Variants in DACH1 observed in about 807,000 individuals in gnomAD.
DACH1 encodes the protein dachshund homolog 1.
A neutral mutation model predicts 54.2 loss-of-function variants in DACH1; 12 were observed. That is an observed-to-expected ratio of 0.22 (90% CI 0.14 to 0.36). DACH1 has a LOEUF of 0.36. Ranked by LOEUF, DACH1 falls within the 10% of genes least tolerant of loss-of-function variation. The pLI, the probability that DACH1 is intolerant of heterozygous loss-of-function variation, is 1.00. For synonymous variants in DACH1, 386 were observed against 366.2 expected (o/e 1.05, Z -0.62); for missense variants, 805 against 929.8 (o/e 0.87, Z 1.75).
chr13:71,838,832 G>A (rs1888904554), intron 1 of DACH1, among the ~76,000 whole-genome samples: 1 of 152,184 alleles, frequency 6.6e-6, no homozygotes, highest in Non-Finnish European at 1.5e-5. Flanking sequence ...TCAATCTGCG[G>A]CTGCATTCCG....
At chr13:71,441,777 C>A (rs1874027467) in intron 10 of DACH1, among the ~76,000 whole-genome samples, 1 of 152,014 alleles carries the variant, frequency 6.6e-6, no homozygotes, top group Non-Finnish European at 1.5e-5. Context: ...TAGTAAGTTG[C>A]AAGGAACTTA....
intron 6 of DACH1, among the ~76,000 whole-genome samples, chr13:71,492,742 AGTGT>A (rs112271287): frequency 4.3e-4 from 60 of 139,812 alleles, no homozygotes; most frequent in African/African-American, 1.0e-3. Flanking sequence ...TGTGTGTGTG[AGTGT>A]GTGTGTGTGT....
At chr13:71,467,356 G>C (rs1033591203) in intron 10 of DACH1, among the ~76,000 whole-genome samples, 65 of 117,186 alleles carry the variant, frequency 5.5e-4, no homozygotes, top group South Asian at 1.4e-3. Flanking sequence ...TTGTGGGGTG[G>C]GGGGAGGGGG....
rs1873691617 is a variant in DACH1, at chr13:71,438,278, T to C, written c.*2377A>G. 2 of 152,318 alleles carry C rather than the reference T, an allele frequency of 1.3e-5. No individual in the cohort carries two copies. The highest frequency in any genetic ancestry group is 4.8e-5 in the African/African-American group (2 of 41,414). The allele number at this position is 152,318 out of a possible 1,614,324, so 9.4% of individuals were successfully genotyped here. Reference sequence around the variant, plus strand: ...GCATAGAGCGCAAATGTGGTTATAATATAGAACAACTAGACATTAATATTT... The same window carrying C: ...GCATAGAGCGCAAATGTGGTTATAACATAGAACAACTAGACATTAATATTT... On this transcript the variant is annotated 3_prime_UTR_variant, in exon 11 of 11. Transcript: ENST00000613252.
chr13:71,782,730 T>C (rs935479653), intron 1 of DACH1, among the ~76,000 whole-genome samples: 4 of 152,148 alleles, frequency 2.6e-5, no homozygotes, highest in African/African-American at 7.2e-5. Flanking sequence ...TTCATTTTCA[T>C]ACCTAACAAT....
intron 1 of DACH1, among the ~76,000 whole-genome samples, chr13:71,854,294 C>G (rs1308369889): frequency 6.6e-6 from 1 of 151,210 alleles, no homozygotes; most frequent in East Asian, 1.9e-4. Context: ...CTATTTCATG[C>G]ACAATTTCAC....
Position 71,671,926 on chromosome 13 carries a change from T to C in DACH1, c.964+9869A>G, listed in dbSNP as rs967959515. On this transcript the variant is annotated intron_variant, in intron 2 of 10. Coordinates refer to ENST00000613252, the MANE Select transcript of DACH1 (RefSeq NM_080759.6). Reference sequence around the variant, plus strand: ...TCTATCAGATTTCTGTCCTCAGAAGTGCACAATATGATTCTATTGTATCAT... The same window carrying C: ...TCTATCAGATTTCTGTCCTCAGAAGCGCACAATATGATTCTATTGTATCAT... 6.6e-5 allele frequency among the ~76,000 whole-genome samples: 10 copies of C among 152,240 alleles called. No individual in the cohort carries two copies. In the South Asian group the frequency reaches 8.3e-4, roughly 13 times the overall value.
chr13:71,482,067 T>G (rs1357522465), intron 7 of DACH1, among the ~76,000 whole-genome samples: 1 of 152,234 alleles, frequency 6.6e-6, no homozygotes, highest in East Asian at 1.9e-4. Flanking sequence ...ACAAGTCTAA[T>G]GAAATACATT....
At chr13:71,714,763 A>G (rs1882892064) in intron 1 of DACH1, among the ~76,000 whole-genome samples, 1 of 152,132 alleles carries the variant, frequency 6.6e-6, no homozygotes, top group African/African-American at 2.4e-5. Context: ...ATCAATGTTT[A>G]GAATATTTAG....
At chr13:71,798,323 C>CATATATATAT (rs35310464) in intron 1 of DACH1, among the ~76,000 whole-genome samples, 36 of 96,494 alleles carry the variant, frequency 3.7e-4, no homozygotes, top group African/African-American at 4.8e-4. Context: ...TTGTTACATA[C>CATATATATAT]ATATATATAT....
At chr13:71,687,356 T>A (rs1010111935) in intron 1 of DACH1, among the ~76,000 whole-genome samples, 1 of 152,034 alleles carries the variant, frequency 6.6e-6, no homozygotes. Context: ...AAGTTTATGG[T>A]AACATACAGG....
At chr13:71,674,798 A>G (rs977667356) in intron 2 of DACH1, among the ~76,000 whole-genome samples, 17 of 79,122 alleles carry the variant, frequency 2.1e-4, no homozygotes, top group African/African-American at 8.5e-4. Flanking sequence ...GAAAAAAAAA[A>G]GAAGACATAC....
chr13:71,555,393 C>T (rs1463740394), intron 6 of DACH1, among the ~76,000 whole-genome samples: 2 of 151,828 alleles, frequency 1.3e-5, no homozygotes, highest in Admixed American at 1.3e-4. Flanking sequence ...ACCCGGGCTG[C>T]AGTGCAGTGG....
intron 1 of DACH1, among the ~76,000 whole-genome samples, chr13:71,862,054 G>C (rs1032750383): frequency 1.3e-5 from 2 of 151,710 alleles, no homozygotes; most frequent in African/African-American, 2.4e-5. Context: ...AAAGAATTCT[G>C]TTTGTGAATA....
In DACH1 at chr13:71,440,612, C is replaced by A. The variant is rs755515775; in HGVS notation, c.*43G>T. The stretch of plus-strand genomic sequence containing the variant: ...CTTTCCCATGACGAATGTCTGACTG[C>A]AAAGTTCTTTTCTATAACATGGATT... On this transcript the variant is annotated 3_prime_UTR_variant, in exon 11 of 11. Transcript: ENST00000613252. 10 of 1,528,700 alleles carry A rather than the reference C, an allele frequency of 6.5e-6. No individual in the cohort carries two copies. The highest frequency in any genetic ancestry group is 8.0e-6 in the Non-Finnish European group (9 of 1,123,336). 94.7% of individuals were successfully genotyped at this position (1,528,700 alleles called of 1,614,324 possible). A position where few individuals can be genotyped will look rare whatever the true frequency, so the allele number is the denominator to read the frequency against.
intron 7 of DACH1, among the ~76,000 whole-genome samples, chr13:71,488,431 T>G (rs760376577): frequency 7.2e-5 from 11 of 152,188 alleles, no homozygotes; most frequent in Non-Finnish European, 1.3e-4. Context: ...ACATAAAATA[T>G]ACATCCTGAG....
chr13:71,856,848 T>C (rs1441355726), intron 1 of DACH1, among the ~76,000 whole-genome samples: 1 of 151,950 alleles, frequency 6.6e-6, no homozygotes, highest in African/African-American at 2.4e-5. Flanking sequence ...CAAGAAGTGG[T>C]AATACACATC....
intron 1 of DACH1, among the ~76,000 whole-genome samples, chr13:71,807,333 TA>T (rs1887540770): frequency 6.7e-6 from 1 of 149,376 alleles, no homozygotes; most frequent in African/African-American, 2.5e-5. Context: ...TTAAAATAAA[TA>T]GTGGAAGCTT....
chr13:71,552,842 T>TAGAG (rs1167871695), intron 6 of DACH1, among the ~76,000 whole-genome samples: 127 of 12,486 alleles, frequency 0.01, 6 homozygotes, highest in Non-Finnish European at 0.013. Context: ...TATATATATA[T>TAGAG]AGAGAGAGAG....
Sources: allele counts gnomAD v4.1 joint callset (sites outside exome capture counted in the v4.1 genomes callset), GRCh38; gene constraint gnomAD v4.1.1; transcripts MANE v1.5; gene names NCBI Gene and HGNC (gene_info 2026-07-23, HGNC 2026-07-21).